Variants in PTPRT observed in about 807,000 individuals in gnomAD.
PTPRT encodes receptor-type tyrosine-protein phosphatase T.
A neutral mutation model predicts 176.8 loss-of-function variants in PTPRT; 56 were observed. The ratio of observed to expected loss-of-function variants is 0.32; its 90% CI spans 0.26 to 0.40. The LOEUF (loss-of-function observed/expected upper bound fraction) is 0.40. PTPRT is among the 10% of genes least tolerant of loss of function. The pLI, the probability that PTPRT is intolerant of heterozygous loss-of-function variation, is 1.00. For missense variants in PTPRT, 1,540 were observed against 1,908.2 expected, an observed-to-expected ratio of 0.81 and a Z score of 3.60; for synonymous variants, 783 against 739.0, an observed-to-expected ratio of 1.06 and a Z score of -0.96.
intron 5 of PTPRT, among the ~76,000 whole-genome samples, chr20:42,759,611 A>C (rs1423688168): frequency 1.3e-5 from 2 of 152,212 alleles, no homozygotes; most frequent in Non-Finnish European, 2.9e-5. Context: ...CATAGCAAGG[A>C]TGTGTGCACA....
chr20:42,298,962 G>T (rs977970129), intron 12 of PTPRT, among the ~76,000 whole-genome samples: 2 of 151,298 alleles, frequency 1.3e-5, no homozygotes, highest in African/African-American at 4.9e-5. Context: ...CTGTGCAGCT[G>T]TAAAAAAAAA....
chr20:42,517,378 T>A (rs2072088353), intron 7 of PTPRT, among the ~76,000 whole-genome samples: 1 of 151,982 alleles, frequency 6.6e-6, no homozygotes, highest in South Asian at 2.1e-4. Context: ...TAATATGGCT[T>A]ATTTGTACCT....
At chr20:42,682,671 T>C (rs1231464606) in intron 6 of PTPRT, among the ~76,000 whole-genome samples, 1 of 152,154 alleles carries the variant, frequency 6.6e-6, no homozygotes, top group Non-Finnish European at 1.5e-5. Context: ...ATCAGTGCCT[T>C]CCAGCCAGGC....
intron 17 of PTPRT, among the ~76,000 whole-genome samples, chr20:42,148,123 T>A (rs1278963916): frequency 6.6e-6 from 1 of 152,156 alleles, no homozygotes; most frequent in Non-Finnish European, 1.5e-5. Context: ...GCCATCTCAT[T>A]ATATTCATCC....
In PTPRT at chr20:42,780,635, A is replaced by G. The variant is rs572294155; in HGVS notation, c.487-336T>C. Reference sequence around the variant, plus strand: ...TCAAGGGTCAAGCCACAACTTGACCATTCTTCTACAGAGAACTACTTTCTA... The same window carrying G: ...TCAAGGGTCAAGCCACAACTTGACCGTTCTTCTACAGAGAACTACTTTCTA... On this transcript the variant is annotated intron_variant, in intron 3 of 30. Transcript: ENST00000373187. 2.6e-5 allele frequency among the ~76,000 whole-genome samples: 4 copies of G among 152,324 alleles called. No homozygotes were observed. The South Asian group carries it at 8.3e-4, about 32-fold the overall frequency.
Position 43,035,160 on chromosome 20 carries a change from G to GCC in PTPRT, c.89-149230_89-149229dup, listed in dbSNP as rs1441272913. On this transcript the variant is annotated intron_variant, in intron 1 of 30. Transcript: ENST00000373187. ...AGAACAGGCCCCTCGTAGTGCCCCA[G>GCC]CCCCTCAGCAGTCCAGACCAAAGGA... Among the ~76,000 whole-genome samples the GCC allele has an allele frequency of 5.3e-5, 8 of 152,192 alleles. No homozygotes were observed. The East Asian group carries it at 5.8e-4, about 11-fold the overall frequency.
chr20:42,455,259 A>G (rs186413748), intron 8 of PTPRT, among the ~76,000 whole-genome samples: 5 of 152,216 alleles, frequency 3.3e-5, no homozygotes, highest in African/African-American at 1.2e-4. Flanking sequence ...CTTGTTATGG[A>G]TTAGAGAGTC....
chr20:42,559,400 G>A (rs903883639), intron 7 of PTPRT, among the ~76,000 whole-genome samples: 1 of 152,176 alleles, frequency 6.6e-6, no homozygotes, highest in African/African-American at 2.4e-5. Context: ...GCAGCTAGTA[G>A]AGTCCTGGCA....
intron 7 of PTPRT, among the ~76,000 whole-genome samples, chr20:42,584,591 T>C (rs1229817882): frequency 1.3e-5 from 2 of 152,176 alleles, no homozygotes; most frequent in Admixed American, 6.5e-5. Context: ...CACCTCTCTC[T>C]CCTTATCATG....
At chr20:42,801,625 C>T (rs2077532136) in intron 2 of PTPRT, among the ~76,000 whole-genome samples, 1 of 152,138 alleles carries the variant, frequency 6.6e-6, no homozygotes, top group Admixed American at 6.5e-5. Context: ...TTCTAAAGAG[C>T]CATTACAGGA....
At chr20:42,108,400 G>GTTGA (rs1329462981) in intron 23 of PTPRT, among the ~76,000 whole-genome samples, 2 of 151,372 alleles carry the variant, frequency 1.3e-5, no homozygotes, top group South Asian at 2.1e-4. Flanking sequence ...ATAAAATGAT[G>GTTGA]TTGATAATAA....
chr20:42,552,757 A>C (rs551516909), intron 7 of PTPRT, among the ~76,000 whole-genome samples: 1 of 152,282 alleles, frequency 6.6e-6, no homozygotes, highest in South Asian at 2.1e-4. Context: ...AAAACTAATG[A>C]GTATCCCCAA....
intron 7 of PTPRT, among the ~76,000 whole-genome samples, chr20:42,590,313 C>A (rs183292980): frequency 7.0e-4 from 106 of 152,196 alleles, no homozygotes; most frequent in African/African-American, 2.4e-3. Flanking sequence ...CCTACCTGAG[C>A]TAGTTATGGT....
rs184674845 is a variant in PTPRT at position 42,527,065 on chromosome 20, G to T, written c.1154-54503C>A. On this transcript the variant is annotated intron_variant, in intron 7 of 30. Transcript: ENST00000373187. ...TGCAAGCTCCTCCTCCCGGGTTCAC[G>T]CCATTCTCCTGCCTCAGCCTCCCAA... is the stretch of plus-strand genomic sequence containing the variant. Among the ~76,000 whole-genome samples, 437 of 141,856 alleles carry T rather than the reference G, an allele frequency of 3.1e-3. 5 individuals carry two copies. Among genetic ancestry groups the T allele is most frequent in the African/African-American group, 0.01 (396 of 38,324 alleles). The allele number at this position is 141,856 out of a possible 152,430, so 93.1% of individuals were successfully genotyped here.
At chr20:42,293,280 AC>A (rs532437726) in intron 12 of PTPRT, among the ~76,000 whole-genome samples, 6 of 152,196 alleles carry the variant, frequency 3.9e-5, no homozygotes, top group Non-Finnish European at 8.8e-5. Flanking sequence ...GTGAGACTAC[AC>A]TAAGTCCACT....
chr20:42,996,201 G>A (rs6072934), intron 1 of PTPRT, among the ~76,000 whole-genome samples: 29,271 of 152,036 alleles, frequency 0.19, 2,912 homozygotes, highest in Middle Eastern at 0.21. Context: ...AAAGGAGGAG[G>A]AATGCCAGCA....
intron 7 of PTPRT, among the ~76,000 whole-genome samples, chr20:42,566,966 A>C (rs1292381110): frequency 2.0e-5 from 3 of 152,136 alleles, no homozygotes; most frequent in Non-Finnish European, 4.4e-5. Context: ...TCCAAAAGTA[A>C]ATGTTTATTA....
chr20:42,883,347 T>C (rs2079034856), intron 2 of PTPRT, among the ~76,000 whole-genome samples: 1 of 152,026 alleles, frequency 6.6e-6, no homozygotes. Context: ...AAACTATACT[T>C]AGGAAGTAAA....
intron 11 of PTPRT, among the ~76,000 whole-genome samples, chr20:42,317,857 A>T (rs961814054): frequency 6.6e-6 from 1 of 152,228 alleles, no homozygotes; most frequent in African/African-American, 2.4e-5. Context: ...CAGCAGCTCA[A>T]TGACCATGCC....
Sources: gnomAD v4.1 joint callset for allele counts (sites outside exome capture counted in the v4.1 genomes callset) on GRCh38, gnomAD v4.1.1 for gene constraint, MANE v1.5 for transcripts, NCBI Gene and HGNC (gene_info 2026-07-23, HGNC 2026-07-21) for gene names.